Variants in TTC7A observed in about 807,000 individuals in gnomAD.
The protein encoded by TTC7A is tetratricopeptide repeat protein 7A.
TTC7A carries 110 observed loss-of-function variants against 103.7 expected under a neutral mutation model. That is an observed-to-expected ratio of 1.06 (90% CI 0.91 to 1.24). The LOEUF (loss-of-function observed/expected upper bound fraction) is 1.24, where lower values mean the gene tolerates loss of function less well. TTC7A is among the 50% of genes most tolerant of loss of function. The probability of loss-of-function intolerance (pLI) is 0.00; values close to 1 mark genes in which losing one functional copy is unlikely to be tolerated. For synonymous variants in TTC7A, 521 were observed against 467.9 expected, an observed-to-expected ratio of 1.11 and a Z score of -1.47; for missense variants, 1,340 against 1,116.3, an observed-to-expected ratio of 1.20 and a Z score of -2.86.
At chr2:46,969,207 T>TA (rs56273451) in intron 3 of TTC7A, among the ~76,000 whole-genome samples, 100,791 of 149,284 alleles carry the variant, frequency 0.68, 34,415 homozygotes, top group East Asian at 0.75. Flanking sequence ...GAGTTTGTTT[T>TA]AAAAAAAAAA....
Position 46,995,206 on chromosome 2 carries a change from T to C in TTC7A, c.1065+7T>C. The C allele has an allele frequency of 1.2e-6, 2 of 1,613,832 alleles. No individual in the cohort carries two copies. The highest frequency in any genetic ancestry group is 1.7e-6 in the Non-Finnish European group (2 of 1,179,862). On this transcript the variant is annotated splice_region_variant and intron_variant, in intron 8 of 19. Transcript: ENST00000319190. ...CCTCATCAGCGAATCCATGGTAAGCTCCAGGATGTCCTTCAGGGGCCTCTG... is the reference window on the plus strand; with the variant it reads ...CCTCATCAGCGAATCCATGGTAAGCCCCAGGATGTCCTTCAGGGGCCTCTG...
chr2:46,999,905 G>C (rs1676618119), intron 8 of TTC7A: 1 of 985,256 alleles, frequency 1.0e-6, no homozygotes, highest in Non-Finnish European at 1.2e-6. Flanking sequence ...TAAGTCTCTG[G>C]GTCCTGGGAC....
At chr2:47,032,074 A>G (rs1038252988) in intron 15 of TTC7A, among the ~76,000 whole-genome samples, 32 of 152,040 alleles carry the variant, frequency 2.1e-4, no homozygotes, top group Non-Finnish European at 2.9e-5. Context: ...CTTCCTCCCA[A>G]GCTTACTCAG....
intron 15 of TTC7A, 52 bp downstream of exon 15, chr2:47,029,436 G>T (rs756059186): frequency 1.2e-6 from 2 of 1,602,068 alleles, no homozygotes; most frequent in East Asian, 4.5e-5. Flanking sequence ...GGCCTCTGCA[G>T]CAGGCGCCCA....
intron 19 of TTC7A, among the ~76,000 whole-genome samples, chr2:47,062,430 A>C (rs1000540345): frequency 2.6e-5 from 4 of 152,224 alleles, no homozygotes; most frequent in African/African-American, 9.6e-5. Context: ...ACATGGCTGC[A>C]TTGCCTTCCA....
chr2:47,066,901 CTT>C (rs940203812), intron 19 of TTC7A, among the ~76,000 whole-genome samples: 3 of 152,116 alleles, frequency 2.0e-5, no homozygotes, highest in Non-Finnish European at 4.4e-5. Context: ...TAAGCAGAAA[CTT>C]TTTATTTGGC....
intron 8 of TTC7A, among the ~76,000 whole-genome samples, chr2:46,999,264 A>G (rs1287755912): frequency 6.7e-6 from 1 of 150,138 alleles, no homozygotes; most frequent in East Asian, 1.9e-4. Context: ...CTATTCATCC[A>G]TTTATCCATC....
chr2:46,964,488 C>T (rs1316337360), intron 3 of TTC7A, among the ~76,000 whole-genome samples: 1 of 152,138 alleles, frequency 6.6e-6, no homozygotes, highest in Non-Finnish European at 1.5e-5. Context: ...TGGGTCACCA[C>T]ACCCTGAGGT....
At chr2:47,052,736 C>T (rs1682967325) in intron 18 of TTC7A, among the ~76,000 whole-genome samples, 1 of 152,150 alleles carries the variant, frequency 6.6e-6, no homozygotes, top group African/African-American at 2.4e-5. Flanking sequence ...GGAGGATAGG[C>T]TAAATGGACC....
At chr2:46,945,676 C>T (rs766227754) in intron 1 of TTC7A, among the ~76,000 whole-genome samples, 9 of 152,214 alleles carry the variant, frequency 5.9e-5, no homozygotes, top group African/African-American at 9.6e-5. Context: ...TAGGTGTGAG[C>T]CACCGTGCCC....
chr2:46,930,580 A>C (rs1165867976), intron 2 of TTC7A, among the ~76,000 whole-genome samples: 4 of 151,192 alleles, frequency 2.6e-5, no homozygotes, highest in Admixed American at 6.6e-5. Context: ...GCTCACTGCA[A>C]CCTCTGCCTC....
At chr2:46,959,723 G>T (rs1170383990) in intron 3 of TTC7A, among the ~76,000 whole-genome samples, 2 of 152,186 alleles carry the variant, frequency 1.3e-5, no homozygotes, top group Admixed American at 6.5e-5. Context: ...TCTGAAATGT[G>T]CCTCTGTGTG....
At chr2:47,046,169 G>A (rs189249899) in intron 15 of TTC7A, 146 bp from the exon 16 acceptor site, 22 of 667,384 alleles carry the variant, frequency 3.3e-5, no homozygotes, top group East Asian at 2.8e-4. Context: ...CGGTCCAGGG[G>A]CATGGCAGAG....
chr2:47,031,674 GT>G (rs1420500113), intron 15 of TTC7A, among the ~76,000 whole-genome samples: 1 of 152,256 alleles, frequency 6.6e-6, no homozygotes, highest in Non-Finnish European at 1.5e-5. Context: ...GCCAAGGAAG[GT>G]GATTTGTACC....
chr2:46,967,416 C>G (rs147985002), intron 3 of TTC7A, among the ~76,000 whole-genome samples: 33 of 152,264 alleles, frequency 2.2e-4, no homozygotes, highest in Non-Finnish European at 4.4e-4. Context: ...GCCCCATTCC[C>G]TCCTCCCCTA....
rs771111262 is a variant in TTC7A, at chr2:46,950,544, A to G, written c.348+18A>G. The G allele has an allele frequency of 1.2e-6, 2 of 1,613,292 alleles. No individual in the cohort carries two copies. Among genetic ancestry groups the G allele is most frequent in the Admixed American group, 1.7e-5 (1 of 59,876 alleles). On this transcript the variant is annotated intron_variant, in intron 2 of 19. Transcript: ENST00000319190. ...GGCTCTCGGTAAGTCGTCAGCCTTCAAGCCTGAGACCTCCTCTCCTCGTCT... is the reference window on the plus strand; with the variant it reads ...GGCTCTCGGTAAGTCGTCAGCCTTCGAGCCTGAGACCTCCTCTCCTCGTCT...
chr2:46,964,428 A>G (rs962978882), intron 3 of TTC7A, among the ~76,000 whole-genome samples: 4 of 152,310 alleles, frequency 2.6e-5, no homozygotes, highest in Admixed American at 1.3e-4. Context: ...GAGAGCCCAC[A>G]GTAAGGCTCA....
intron 8 of TTC7A, among the ~76,000 whole-genome samples, chr2:46,998,264 G>C (rs947990670): frequency 2.6e-5 from 4 of 152,174 alleles, no homozygotes; most frequent in African/African-American, 9.7e-5. Context: ...TATTGGCAAT[G>C]AACTTAGTTT....
In TTC7A at chr2:46,976,098, G is replaced by A. The variant is rs147262657; in HGVS notation, c.648+995G>A. Among the ~76,000 whole-genome samples the A allele has an allele frequency of 8.2e-4, 125 of 152,296 alleles. 2 individuals are homozygous for A. In the East Asian group the frequency reaches 0.023, roughly 28 times the overall value. ...AGGGGCCCTTGGTTCAATGCTAAGG[G>A]GACAGGCAACTATATTCAACAGAGA... On this transcript the variant is annotated intron_variant, in intron 4 of 19. Transcript: ENST00000319190.
Sources: allele counts gnomAD v4.1 joint callset (sites outside exome capture counted in the v4.1 genomes callset), GRCh38; gene constraint gnomAD v4.1.1; transcripts MANE v1.5; gene names NCBI Gene and HGNC (gene_info 2026-07-23, HGNC 2026-07-21).